Variants in CNOT2 observed in about 807,000 individuals in gnomAD.
CNOT2 encodes the protein CC chemokine receptor 4-negative regulator of transcription 2.
CNOT2 carries 7 observed loss-of-function variants against 72.1 expected under a neutral mutation model. The ratio of observed to expected loss-of-function variants is 0.10; its 90% CI spans 0.06 to 0.18. The LOEUF (loss-of-function observed/expected upper bound fraction) is 0.18, where lower values mean the gene tolerates loss of function less well. CNOT2 is among the 10% of genes least tolerant of loss of function. The pLI, the probability that CNOT2 is intolerant of heterozygous loss-of-function variation, is 1.00. For missense variants in CNOT2, 345 were observed against 660.3 expected (o/e 0.52, Z 5.23); for synonymous variants, 196 against 225.6 (o/e 0.87, Z 1.17).
At chr12:70,308,555 T>TTCTTTCTCTCTCTCTCTC (rs1555199527) in intron 2 of CNOT2, among the ~76,000 whole-genome samples, 3 of 134,254 alleles carry the variant, frequency 2.2e-5, no homozygotes, top group South Asian at 5.1e-4. Flanking sequence ...TTGGTATATT[T>TTCTTTCTCTCTCTCTCTC]TCTCTCTCTC....
intron 1 of CNOT2, among the ~76,000 whole-genome samples, chr12:70,266,147 C>T (rs935189839): frequency 3.3e-5 from 5 of 151,778 alleles, no homozygotes; most frequent in Admixed American, 6.6e-5. Context: ...TCTCTTGTTG[C>T]CCAGGCTGGA....
chr12:70,299,402 T>G (rs1244717161), intron 2 of CNOT2, among the ~76,000 whole-genome samples: 36 of 115,804 alleles, frequency 3.1e-4, no homozygotes, highest in Non-Finnish European at 5.1e-4. Flanking sequence ...GTCCCCGGTG[T>G]GTGATGTTCC....
intron 3 of CNOT2, among the ~76,000 whole-genome samples, chr12:70,315,453 T>C (rs1359635991): frequency 6.6e-6 from 1 of 152,134 alleles, no homozygotes; most frequent in Non-Finnish European, 1.5e-5. Context: ...TAATTTTGAG[T>C]ATATTATACA....
At chr12:70,269,244 C>A (rs973666146) in intron 1 of CNOT2, among the ~76,000 whole-genome samples, 1 of 150,298 alleles carries the variant, frequency 6.7e-6, no homozygotes, top group African/African-American at 2.4e-5. Flanking sequence ...ATCTCTGAAA[C>A]AAGGTGTTTA....
chr12:70,326,790 ACTT>A (rs1879145907), intron 4 of CNOT2, among the ~76,000 whole-genome samples: 4 of 151,974 alleles, frequency 2.6e-5, no homozygotes, highest in Non-Finnish European at 4.4e-5. Context: ...TTTTTATACT[ACTT>A]CAACAAAATT....
chr12:70,303,567 A>G (rs1278752106), intron 2 of CNOT2, among the ~76,000 whole-genome samples: 23 of 152,272 alleles, frequency 1.5e-4, no homozygotes, highest in Non-Finnish European at 2.9e-5. Flanking sequence ...TGGCTTGTAG[A>G]GTTTCTGCCG....
At chr12:70,271,185 T>C (rs1360125556) in intron 1 of CNOT2, among the ~76,000 whole-genome samples, 1 of 152,174 alleles carries the variant, frequency 6.6e-6, no homozygotes, top group African/African-American at 2.4e-5. Flanking sequence ...ATAGTAGCTC[T>C]AGTTGTGCTA....
intron 7 of CNOT2, among the ~76,000 whole-genome samples, chr12:70,333,635 G>A (rs1188571596): frequency 6.6e-6 from 1 of 151,898 alleles, no homozygotes; most frequent in African/African-American, 2.4e-5. Context: ...CATTTGTAGA[G>A]GCAAGAGAAG....
chr12:70,319,494 A>G (rs1359507965), intron 4 of CNOT2, 130 bp downstream of exon 4: 1 of 860,940 alleles, frequency 1.2e-6, no homozygotes. Context: ...TTTAATTTTC[A>G]GAGTTTTATT....
At chr12:70,338,852 A>G (rs1881055858) in intron 11 of CNOT2, 30 bp downstream of exon 11, 4 of 1,574,074 alleles carry the variant, frequency 2.5e-6, no homozygotes, top group South Asian at 1.1e-5. Context: ...CCATGTCTGT[A>G]TATAATACCT....
At chr12:70,313,265 C>T in intron 3 of CNOT2, among the ~76,000 whole-genome samples, 1 of 151,944 alleles carries the variant, frequency 6.6e-6, no homozygotes, top group East Asian at 1.9e-4. Context: ...TACTAGTTTG[C>T]ATTCTCCATG....
chr12:70,351,369 CA>C (rs1882843729), intron 15 of CNOT2, among the ~76,000 whole-genome samples: 1 of 152,004 alleles, frequency 6.6e-6, no homozygotes, highest in Non-Finnish European at 1.5e-5. Flanking sequence ...GTATATATAA[CA>C]AACATGTAAA....
At chr12:70,337,988 TAAA>T (rs1565826944) in intron 9 of CNOT2, 9 of 241,962 alleles carry the variant, frequency 3.7e-5, no homozygotes, top group South Asian at 4.8e-5. Flanking sequence ...AAATAATTGA[TAAA>T]GAAGATCGGT....
chr12:70,308,584 T>TCTCTCTCTCTCTCTCTCTCTCTCA (rs550679130), intron 2 of CNOT2, among the ~76,000 whole-genome samples: 1 of 133,328 alleles, frequency 7.5e-6, no homozygotes, highest in African/African-American at 2.8e-5. Context: ...TCTCTCTCTC[T>TCTCTCTCTCTCTCTCTCTCTCTCA]CACACACACA....
intron 13 of CNOT2, chr12:70,343,892 C>G: frequency 2.7e-6 from 1 of 366,948 alleles, no homozygotes; most frequent in East Asian, 4.4e-5. Context: ...TTCTTCCAGT[C>G]AGCATATCAA....
intron 2 of CNOT2, among the ~76,000 whole-genome samples, chr12:70,294,972 T>C (rs1164736138): frequency 1.3e-5 from 2 of 152,002 alleles, no homozygotes; most frequent in Admixed American, 1.3e-4. Context: ...GAGAGAGAGA[T>C]GCCAACACTC....
chr12:70,283,663 A>AG (rs1047665023), intron 2 of CNOT2, among the ~76,000 whole-genome samples: 30 of 151,210 alleles, frequency 2.0e-4, no homozygotes, highest in African/African-American at 7.3e-4. Flanking sequence ...AAAAAAAAAA[A>AG]AAAAGGAAAA....
chr12:70,300,076 T>C (rs1442698089), intron 2 of CNOT2, among the ~76,000 whole-genome samples: 1 of 151,646 alleles, frequency 6.6e-6, no homozygotes, highest in Admixed American at 6.6e-5. Context: ...GGGGTTGTTT[T>C]TTCTTGTAAA....
chr12:70,328,489 G>A (rs1034114473), intron 4 of CNOT2, among the ~76,000 whole-genome samples: 4 of 151,792 alleles, frequency 2.6e-5, no homozygotes, highest in Admixed American at 6.6e-5. Context: ...AGAGGAATTC[G>A]TAGACAGATA....
Sources: gnomAD v4.1 joint callset for allele counts (sites outside exome capture counted in the v4.1 genomes callset) on GRCh38, gnomAD v4.1.1 for gene constraint, MANE v1.5 for transcripts, NCBI Gene and HGNC (gene_info 2026-07-23, HGNC 2026-07-21) for gene names.